MYO18B: variants seen among roughly 807,000 people sequenced by gnomAD.
The protein encoded by MYO18B is myosin XVIIIB.
In MYO18B, 204 loss-of-function variants were observed where a neutral mutation model predicts 273.0. That is an observed-to-expected ratio of 0.75 (90% confidence interval 0.67 to 0.84). MYO18B has a LOEUF of 0.84. Among genes scored for constraint, MYO18B ranks in the 40% least tolerant of loss-of-function variants. The probability of loss-of-function intolerance (pLI) is 0.00; values close to 1 mark genes in which losing one functional copy is unlikely to be tolerated. For missense variants in MYO18B, 3,212 were observed against 3,287.6 expected, an observed-to-expected ratio of 0.98 and a Z score of 0.56; for synonymous variants, 1,330 against 1,305.7, an observed-to-expected ratio of 1.02 and a Z score of -0.40.
chr22:25,880,898 C>T (rs1447564562), intron 25 of MYO18B, among the ~76,000 whole-genome samples: 1 of 152,200 alleles, frequency 6.6e-6, no homozygotes, highest in Non-Finnish European at 1.5e-5. Flanking sequence ...ATATGCAGAT[C>T]TGGTGGAAAG....
At chr22:25,858,625 A>T (rs1467721250) in intron 21 of MYO18B, among the ~76,000 whole-genome samples, 1 of 152,088 alleles carries the variant, frequency 6.6e-6, no homozygotes, top group African/African-American at 2.4e-5. Context: ...GAAACAATGG[A>T]ACTCTGTAAG....
At chr22:25,822,076 A>G (rs962210757) in intron 12 of MYO18B, among the ~76,000 whole-genome samples, 1 of 152,182 alleles carries the variant, frequency 6.6e-6, no homozygotes, top group Non-Finnish European at 1.5e-5. Context: ...ATGGCTTTAT[A>G]ATGGTCCAAA....
intron 21 of MYO18B, among the ~76,000 whole-genome samples, chr22:25,861,681 G>A (rs771179054): frequency 6.6e-6 from 1 of 152,092 alleles, no homozygotes; most frequent in African/African-American, 2.4e-5. Context: ...GCTATTTTCT[G>A]TATGGGCTTC....
intron 35 of MYO18B, 81 bp downstream of exon 35, chr22:25,946,331 G>A (rs2092712752): frequency 2.1e-6 from 2 of 937,372 alleles, no homozygotes; most frequent in Non-Finnish European, 3.2e-6. Flanking sequence ...TGTGCGCTCA[G>A]CACTATAGGA....
At chr22:26,028,529 ATAAG>A (rs1258121216) in intron 43 of MYO18B, 1 of 152,170 alleles carries the variant, frequency 6.6e-6, no homozygotes, top group African/African-American at 2.4e-5. Context: ...ACAATGCAGG[ATAAG>A]TAACTACTTG....
chr22:25,818,205 A>G (rs75212018), intron 12 of MYO18B, among the ~76,000 whole-genome samples: 344 of 152,300 alleles, frequency 2.3e-3, no homozygotes, highest in Non-Finnish European at 2.4e-3. Context: ...ACTTCCCCCA[A>G]TGGGGAGTTC....
intron 34 of MYO18B, among the ~76,000 whole-genome samples, chr22:25,924,096 C>A (rs2092387164): frequency 6.6e-6 from 1 of 152,176 alleles, no homozygotes; most frequent in African/African-American, 2.4e-5. Flanking sequence ...AGGATGGGAT[C>A]GCGTGGACCA....
At chr22:26,041,368 A>AC in the MYO18B span, among the ~76,000 whole-genome samples, 7 of 150,412 alleles carry the variant, frequency 4.7e-5, no homozygotes, top group East Asian at 7.8e-4. Context: ...AAAAAAAAAA[A>AC]AAAACAAAAC....
rs2090284574 is a variant in MYO18B at position 25,847,415 on chromosome 22, C to T, written c.3553-15C>T. Reference sequence around the variant, plus strand: ...TGTGAGACAACTGGCCCTGACCTCCCTCTATTTGGTCTAGGATGCGCTGAC... The same window carrying T: ...TGTGAGACAACTGGCCCTGACCTCCTTCTATTTGGTCTAGGATGCGCTGAC... On this transcript the variant is annotated splice_polypyrimidine_tract_variant and intron_variant, in intron 19 of 43. Transcript: ENST00000335473. The T allele has an allele frequency of 1.3e-6, 2 of 1,554,770 alleles. No individual in the cohort carries two copies. The highest frequency in any genetic ancestry group is 1.7e-6 in the Non-Finnish European group (2 of 1,147,986).
intron 27 of MYO18B, among the ~76,000 whole-genome samples, chr22:25,893,900 C>T (rs2091730736): frequency 1.3e-5 from 2 of 151,842 alleles, no homozygotes; most frequent in South Asian, 4.2e-4. Context: ...TTCATCCACC[C>T]ATGCACCCAC....
At chr22:25,950,256 A>G (rs1384688840) in intron 36 of MYO18B, 111 bp from the exon 37 acceptor site, 3 of 812,580 alleles carry the variant, frequency 3.7e-6, no homozygotes, top group Non-Finnish European at 5.8e-6. Context: ...AGAAGCTCTG[A>G]GAGATGTAGA....
intron 17 of MYO18B, among the ~76,000 whole-genome samples, chr22:25,838,308 C>T (rs2089968622): frequency 6.6e-6 from 1 of 152,122 alleles, no homozygotes; most frequent in African/African-American, 2.4e-5. Flanking sequence ...AAGCAATTCT[C>T]CTGCCTCAGC....
intron 42 of MYO18B, among the ~76,000 whole-genome samples, chr22:26,009,631 A>C (rs189016654): frequency 3.3e-5 from 5 of 151,996 alleles, no homozygotes; most frequent in Non-Finnish European, 5.9e-5. Context: ...TAGTCTTTAT[A>C]TTTTCCTGGA....
In MYO18B at chr22:25,768,247, G is replaced by C; in HGVS notation, c.331G>C (p.Gly111Arg). ...SSDILGKESE[G>R]SRSPDPEQMT... ...AGACATTCTGGGCAAGGAGAGCGAG[G>C]GGTCCCGCAGCCCCGACCCTGAGCA... Residue 111 changes from glycine to arginine, a missense_variant, in exon 4 of 44, where the codon GGG becomes CGG. By Grantham distance (125) the Gly-to-Arg change is moderately radical. Transcript: ENST00000335473. 1 of 1,614,006 alleles carries C rather than the reference G, an allele frequency of 6.2e-7. No homozygotes were observed. The highest frequency in any genetic ancestry group is 8.5e-7 in the Non-Finnish European group (1 of 1,179,898).
At chr22:25,934,650 A>G (rs540632874) in intron 34 of MYO18B, among the ~76,000 whole-genome samples, 2 of 152,348 alleles carry the variant, frequency 1.3e-5, no homozygotes, top group East Asian at 3.9e-4. Flanking sequence ...GGTTTTGTCC[A>G]GAAAGGCAGG....
At chr22:26,003,435 C>T in intron 41 of MYO18B, 126 bp downstream of exon 41, 1 of 808,030 alleles carries the variant, frequency 1.2e-6, no homozygotes, top group Non-Finnish European at 2.1e-6. Flanking sequence ...GAGACTAATG[C>T]CTTCATGGTC....
intron 18 of MYO18B, among the ~76,000 whole-genome samples, 157 bp from the exon 19 acceptor site, chr22:25,845,943 G>C (rs1200656922): frequency 6.6e-6 from 1 of 152,240 alleles, no homozygotes; most frequent in Non-Finnish European, 1.5e-5. Context: ...GAGGGGCTGT[G>C]AATGAAGGGG....
At chr22:25,752,132 G>GTTCATTCA (rs112427228) in intron 1 of MYO18B, among the ~76,000 whole-genome samples, 110,942 of 151,348 alleles carry the variant, frequency 0.73, 41,006 homozygotes, top group East Asian at 0.94. Context: ...ATTTCTAACT[G>GTTCATTCA]TTCATTCATT....
chr22:25,786,608 C>T (rs1276628427), intron 11 of MYO18B, among the ~76,000 whole-genome samples: 1 of 151,926 alleles, frequency 6.6e-6, no homozygotes, highest in Non-Finnish European at 1.5e-5. Flanking sequence ...TGAGAAAAAT[C>T]TCTGTAACCC....
Sources: allele counts gnomAD v4.1 joint callset (sites outside exome capture counted in the v4.1 genomes callset), GRCh38; gene constraint gnomAD v4.1.1; transcripts MANE v1.5; gene names NCBI Gene and HGNC (gene_info 2026-07-23, HGNC 2026-07-21).